The following ERICH1 variants were observed in gnomAD, a reference collection of about 807,000 sequenced individuals.
The protein encoded by ERICH1 is glutamate rich 1.
A neutral mutation model predicts 39.6 loss-of-function variants in ERICH1; 56 were observed. That is an observed-to-expected ratio of 1.41 (90% CI 1.14 to 1.77). ERICH1 has a LOEUF of 1.77. ERICH1 is among the 40% of genes most tolerant of loss of function. ERICH1 has a pLI of 0.00. For synonymous variants in ERICH1, 313 were observed against 223.6 expected (o/e 1.40, Z -3.57); for missense variants, 826 against 575.4 (o/e 1.44, Z -4.45).
chr8:706,380 C>T (rs746631986), intron 2 of ERICH1, among the ~76,000 whole-genome samples: 5 of 152,168 alleles, frequency 3.3e-5, no homozygotes, highest in Non-Finnish European at 7.3e-5. Context: ...AAAGCAATTC[C>T]ACTTACAATA....
At chr8:660,792 C>T (rs559686574), downstream of ERICH1, among the ~76,000 whole-genome samples, 5 of 152,110 alleles carry the variant, frequency 3.3e-5, no homozygotes, top group Non-Finnish European at 7.4e-5. Context: ...CGCTAAGATC[C>T]GCAGCTTTCG....
intron 1 of ERICH1, chr8:725,157 T>C: frequency 5.2e-6 from 1 of 191,832 alleles, no homozygotes; most frequent in Non-Finnish European, 1.1e-5. Flanking sequence ...CCCTCCGGCT[T>C]CCTGTCTGCT....
intron 3 of ERICH1, among the ~76,000 whole-genome samples, chr8:622,772 G>C (rs1473650097): frequency 2.0e-5 from 3 of 151,910 alleles, no homozygotes; most frequent in Non-Finnish European, 2.9e-5. Context: ...TGGCAACATA[G>C]TGAGACCGTG....
chr8:698,433 C>T (rs569292555), intron 2 of ERICH1, among the ~76,000 whole-genome samples: 1 of 152,006 alleles, frequency 6.6e-6, no homozygotes, highest in Non-Finnish European at 1.5e-5. Flanking sequence ...TACCCAAGGT[C>T]GTCTTGAACT....
intron 3 of ERICH1, among the ~76,000 whole-genome samples, chr8:637,376 G>C (rs1798522672): frequency 2.0e-5 from 3 of 152,182 alleles, no homozygotes. Context: ...CGTTCCTCTA[G>C]CCCCATGTGT....
chr8:699,805 GCA>G (rs1181164036), intron 2 of ERICH1, among the ~76,000 whole-genome samples: 2 of 67,254 alleles, frequency 3.0e-5, no homozygotes, highest in African/African-American at 4.3e-5. Context: ...CCGCACACGC[GCA>G]CAGATCCGCA....
At chr8:652,396 G>T (rs560659277) in intron 3 of ERICH1, among the ~76,000 whole-genome samples, 73 of 152,362 alleles carry the variant, frequency 4.8e-4, no homozygotes, top group Admixed American at 1.8e-3. Flanking sequence ...CCCGACCGTT[G>T]TTGGCTGCTG....
chr8:623,982 T>G (rs1797444764), intron 3 of ERICH1, among the ~76,000 whole-genome samples: 1 of 152,070 alleles, frequency 6.6e-6, no homozygotes, highest in South Asian at 2.1e-4. Flanking sequence ...GGAGAAAATA[T>G]TTGCAAATCA....
chr8:664,326 C>T lies in ERICH1; in HGVS notation c.*277G>A, dbSNP rs1419910650. On this transcript the variant is annotated 3_prime_UTR_variant, in exon 6 of 6. Transcript: ENST00000262109. ...CTATACATTTAACTTAACAGAATGT[C>T]CATTTTCAATTTTTACAATAAGTAG... 1.8e-6 allele frequency: 2 copies of T among 1,091,150 alleles called. No individual in the cohort carries two copies. Among genetic ancestry groups the T allele is most frequent in the Non-Finnish European group, 2.2e-6 (2 of 898,652 alleles). 67.6% of individuals were successfully genotyped at this position (1,091,150 alleles called of 1,614,324 possible). A position where few individuals can be genotyped will look rare whatever the true frequency, so the allele number is the denominator to read the frequency against.
At chr8:616,890 CACACACACACACAGAGAG>C in intron 3 of ERICH1, among the ~76,000 whole-genome samples, 1 of 11,562 alleles carries the variant, frequency 8.6e-5, no homozygotes, top group Admixed American at 1.1e-3. Flanking sequence ...GAGACAGAGA[CACACACACACACAGAGAG>C]AGAGAGAGAG....
At chr8:662,508 T>A (rs1223806604), downstream of ERICH1, among the ~76,000 whole-genome samples, 1 of 151,930 alleles carries the variant, frequency 6.6e-6, no homozygotes, top group Non-Finnish European at 1.5e-5. Context: ...ATTAGTCATG[T>A]GTGGTGGCAT....
chr8:724,475 G>T (rs541060902), intron 1 of ERICH1, among the ~76,000 whole-genome samples: 1 of 152,272 alleles, frequency 6.6e-6, no homozygotes, highest in South Asian at 2.1e-4. Context: ...AACACACCCA[G>T]CGGGATGCGA....
chr8:634,642 G>A (rs233695), intron 3 of ERICH1, among the ~76,000 whole-genome samples: 75,228 of 151,934 alleles, frequency 0.5, 19,028 homozygotes, highest in African/African-American at 0.6. Context: ...GACAGCTGGC[G>A]GAGCAGCCGG....
At chr8:717,286 T>C (rs1816235583) in intron 1 of ERICH1, among the ~76,000 whole-genome samples, 1 of 152,280 alleles carries the variant, frequency 6.6e-6, no homozygotes, top group Middle Eastern at 3.4e-3. Context: ...ATTTTGAATA[T>C]GATGCAGAAG....
chr8:654,385 G>C (rs1007426236), intron 3 of ERICH1, among the ~76,000 whole-genome samples: 2 of 152,164 alleles, frequency 1.3e-5, no homozygotes, highest in African/African-American at 4.8e-5. Context: ...AACCTGGAGG[G>C]ACTGGAGGGG....
chr8:722,598 C>T (rs528361649), intron 1 of ERICH1, among the ~76,000 whole-genome samples: 2 of 152,372 alleles, frequency 1.3e-5, no homozygotes, highest in East Asian at 3.9e-4. Context: ...CTAAACTCTT[C>T]CTAAATGCAG....
At chr8:642,911 T>G (rs1799179426) in intron 3 of ERICH1, among the ~76,000 whole-genome samples, 1 of 152,122 alleles carries the variant, frequency 6.6e-6, no homozygotes, top group Non-Finnish European at 1.5e-5. Flanking sequence ...CCTCAGGCTG[T>G]GGGGCTGGAC....
intron 3 of ERICH1, among the ~76,000 whole-genome samples, chr8:635,007 C>G (rs947274699): frequency 6.6e-6 from 1 of 152,028 alleles, no homozygotes; most frequent in Admixed American, 6.5e-5. Context: ...CCTCCTGCAG[C>G]CTGGCCACCC....
At chr8:689,711 G>A (rs1305786831) in intron 3 of ERICH1, among the ~76,000 whole-genome samples, 1 of 152,196 alleles carries the variant, frequency 6.6e-6, no homozygotes, top group Non-Finnish European at 1.5e-5. Flanking sequence ...TCGTGCTGCT[G>A]GGAAGGTGCC....
Sources: allele counts gnomAD v4.1 joint callset (sites outside exome capture counted in the v4.1 genomes callset), GRCh38; gene constraint gnomAD v4.1.1; transcripts MANE v1.5; gene names NCBI Gene and HGNC (gene_info 2026-07-23, HGNC 2026-07-21).